CBX7: variants seen among roughly 807,000 people sequenced by gnomAD.
CBX7 encodes chromobox protein homolog 7.
CBX7 carries 14 observed loss-of-function variants against 31.4 expected under a neutral mutation model. That is an observed-to-expected ratio of 0.45 (90% CI 0.29 to 0.70). The LOEUF is 0.70. CBX7 is among the 30% of genes least tolerant of loss of function. The pLI is 0.11. For missense variants in CBX7, 269 were observed against 351.9 expected (o/e 0.76, Z 1.89); for synonymous variants, 159 against 152.6 (o/e 1.04, Z -0.31).
In CBX7 at chr22:39,134,185, T is replaced by C; in HGVS notation, c.599-137A>G. On this transcript the variant is annotated intron_variant, in intron 5 of 5. Coordinates refer to ENST00000216133, the MANE Select transcript of CBX7 (RefSeq NM_175709.5). ...AGGGCCTCACACAGGGCTGGACACT[T>C]GGGAGGAGGGCACTGGGTGCATCCT... The C allele has an allele frequency of 3.1e-6, 3 of 983,484 alleles. No homozygotes were observed. In the East Asian group the frequency reaches 7.7e-5, roughly 25 times the overall value. The allele number at this position is 983,484 out of a possible 1,614,324, so 60.9% of individuals were successfully genotyped here. A position where few individuals can be genotyped will look rare whatever the true frequency, so the allele number is the denominator to read the frequency against.
intron 2 of CBX7, chr22:39,147,637 A>T (rs548810646): frequency 5.3e-5 from 8 of 151,314 alleles, no homozygotes; most frequent in African/African-American, 1.9e-4. Context: ...GTTTCCCCCA[A>T]GTGAGGTGGG....
intron 3 of CBX7, among the ~76,000 whole-genome samples, chr22:39,140,718 G>A (rs1282480891): frequency 6.8e-6 from 1 of 147,378 alleles, no homozygotes; most frequent in Non-Finnish European, 1.5e-5. Context: ...AGGGGACCTG[G>A]GCTGCCTGCT....
At position 39,130,874 on chromosome 22, in the gene CBX7, A is replaced by G. The variant is rs1930011196; in HGVS notation, c.*3017T>C. The G allele has an allele frequency of 6.6e-6, 1 of 152,518 alleles. No individual in the cohort carries two copies. The highest frequency in any genetic ancestry group is 1.5e-5 in the Non-Finnish European group (1 of 68,042). 9.4% of individuals were successfully genotyped at this position (152,518 alleles called of 1,614,324 possible). ...AATAGATGCTATACAGTCTCTTACC[A>G]ATGTCAGTACAAAAATAAAACCGCG... On this transcript the variant is annotated 3_prime_UTR_variant, in exon 6 of 6. Coordinates refer to ENST00000216133, the MANE Select transcript of CBX7 (RefSeq NM_175709.5).
In CBX7 at chr22:39,134,007, C is replaced by T. The variant is rs773134146; in HGVS notation, c.640G>A (p.Ala214Thr). 8.7e-6 allele frequency: 14 copies of T among 1,611,836 alleles called. No homozygotes were observed. The Admixed American group carries it at 2.3e-4, about 27-fold the overall frequency. Residue 214 changes from alanine to threonine, a missense_variant, in exon 6 of 6, where the codon GCG becomes ACG. Physicochemically the swap from Ala to Thr is moderately conservative, Grantham distance 58. Around this residue, in one of 2 missense-constraint regions of CBX7, gnomAD observed 222 missense variants for 240.4 expected, o/e 0.92. Transcript: ENST00000216133. Reference sequence around the variant, plus strand: ...ACGGTCACCTCACTTGAGGGGAGCGCAGGTGTCCAGGGAGGGGGCCCCTCG... The same window carrying T: ...ACGGTCACCTCACTTGAGGGGAGCGTAGGTGTCCAGGGAGGGGGCCCCTCG... ...LAEGPPPWTP[A>T]LPSSEVTVTD...
chr22:39,139,919 G>A, intron 3 of CBX7, among the ~76,000 whole-genome samples: 1 of 151,838 alleles, frequency 6.6e-6, no homozygotes, highest in East Asian at 1.9e-4. Flanking sequence ...GACAGGGTGA[G>A]ACCCTGTCTC....
intron 2 of CBX7, 25 bp downstream of exon 2, chr22:39,149,764 G>GAC (rs776024849): frequency 1.9e-6 from 3 of 1,609,706 alleles, no homozygotes; most frequent in Non-Finnish European, 2.6e-6. Context: ...CAGACAGACA[G>GAC]ACACACACAC....
chr22:39,151,498 GGGA>G lies in CBX7; in HGVS notation c.69+875_69+877del, dbSNP rs376692415. 3.5e-4 allele frequency among the ~76,000 whole-genome samples: 54 copies of G among 152,296 alleles called. No individual in the cohort carries two copies. The South Asian group carries it at 0.011, about 32-fold the overall frequency. ...GCCTCAGTTTTTGTCTCTGTTAAAT[GGGA>G]GGAGGTGACCCCCTAAGGCCCCTCC... On this transcript the variant is annotated intron_variant, in intron 1 of 5. Coordinates refer to ENST00000216133, the MANE Select transcript of CBX7 (RefSeq NM_175709.5).
chr22:39,145,827 C>T (rs1217122717), intron 2 of CBX7, among the ~76,000 whole-genome samples: 1 of 151,776 alleles, frequency 6.6e-6, no homozygotes, highest in Non-Finnish European at 1.5e-5. Context: ...AAGCCCCGGC[C>T]GCCCAGCCAA....
intron 3 of CBX7, 163 bp downstream of exon 3, chr22:39,141,208 G>A (rs1930442786): frequency 5.2e-6 from 3 of 578,398 alleles, no homozygotes; most frequent in African/African-American, 3.9e-5. Flanking sequence ...CAGCTGCCCT[G>A]GGACTCAGTG....
intron 4 of CBX7, 36 bp from the exon 5 acceptor site, chr22:39,134,788 C>G (rs1930191901): frequency 1.6e-6 from 2 of 1,236,216 alleles, no homozygotes; most frequent in Non-Finnish European, 2.2e-6. Context: ...GGGTCAGCCC[C>G]ACCCTCCCAC....
chr22:39,130,967 G>C lies in CBX7; in HGVS notation c.*2924C>G, dbSNP rs142205855. ...AAAGGCATGTGCTTGGAATCAACTCGTGCCCCCGACCCCTCCCAGATACAT... is the reference window on the plus strand; with the variant it reads ...AAAGGCATGTGCTTGGAATCAACTCCTGCCCCCGACCCCTCCCAGATACAT... On this transcript the variant is annotated 3_prime_UTR_variant, in exon 6 of 6. Coordinates refer to ENST00000216133, the MANE Select transcript of CBX7 (RefSeq NM_175709.5). The C allele has an allele frequency of 6.6e-6, 1 of 152,558 alleles. No homozygotes were observed. Among genetic ancestry groups the C allele is most frequent in the Non-Finnish European group, 1.5e-5 (1 of 68,056 alleles). The allele number at this position is 152,558 out of a possible 1,614,324, so 9.5% of individuals were successfully genotyped here.
intron 1 of CBX7, 105 bp from the exon 2 acceptor site, chr22:39,149,937 A>C (rs1930793981): frequency 1.2e-6 from 1 of 859,300 alleles, no homozygotes; most frequent in Non-Finnish European, 2.0e-6. Flanking sequence ...TCCCATCTGC[A>C]GACAGGTGTC....
At chr22:39,144,639 T>G (rs916316936) in intron 2 of CBX7, among the ~76,000 whole-genome samples, 32 of 152,262 alleles carry the variant, frequency 2.1e-4, no homozygotes, top group African/African-American at 6.3e-4. Flanking sequence ...AGGCTGAATC[T>G]CCTCACTCTA....
At position 39,134,437 on chromosome 22, in the gene CBX7, C is replaced by A; in HGVS notation, c.562G>T (p.Glu188Ter). 6.2e-7 allele frequency: 1 copy of A among 1,603,762 alleles called. No homozygotes were observed. Among genetic ancestry groups the A allele is most frequent in the Non-Finnish European group, 8.5e-7 (1 of 1,179,610 alleles). The change falls in exon 5 of 6, where the codon GAG (glutamate) becomes TAG (stop). Residue 188 changes from glutamate to a stop codon, truncating the protein, a stop_gained. Coordinates refer to ENST00000216133, the MANE Select transcript of CBX7 (RefSeq NM_175709.5). LOFTEE classifies it high-confidence loss of function. ...GGGGGCTGCGCAGCAGGCTCCCACTCGCCAGCCGCCTGCAGGACGTCTGGG... is the reference window on the plus strand; with the variant it reads ...GGGGGCTGCGCAGCAGGCTCCCACTAGCCAGCCGCCTGCAGGACGTCTGGG... ...PAPDVLQAAG[E>*]WEPAAQPPEE...
At chr22:39,138,599 C>A in intron 4 of CBX7, 37 bp downstream of exon 4, 1 of 1,605,004 alleles carries the variant, frequency 6.2e-7, no homozygotes, top group Non-Finnish European at 8.5e-7. Flanking sequence ...TGGGGTTGGG[C>A]AGGGGGAGAA....
chr22:39,137,244 T>C (rs1260678952), intron 4 of CBX7, among the ~76,000 whole-genome samples: 1 of 151,456 alleles, frequency 6.6e-6, no homozygotes, highest in African/African-American at 2.4e-5. Context: ...TCCAAAAATC[T>C]GAAATTTAGA....
rs1008486283 is a variant in CBX7 at position 39,130,866 on chromosome 22, C to T, written c.*3025G>A. On this transcript the variant is annotated 3_prime_UTR_variant, in exon 6 of 6. Transcript: ENST00000216133. ...TCTAAATAAATAGATGCTATACAGT[C>T]TCTTACCAATGTCAGTACAAAAATA... 6.6e-6 allele frequency: 1 copy of T among 152,590 alleles called. No individual in the cohort carries two copies. The highest frequency in any genetic ancestry group is 2.4e-5 in the African/African-American group (1 of 41,436). The allele number at this position is 152,590 out of a possible 1,614,324, so 9.5% of individuals were successfully genotyped here.
intron 2 of CBX7, among the ~76,000 whole-genome samples, chr22:39,141,926 G>A (rs1200795583): frequency 1.3e-5 from 2 of 152,088 alleles, no homozygotes; most frequent in African/African-American, 4.8e-5. Flanking sequence ...CAACACCAGA[G>A]TTGTCCTGGT....
chr22:39,133,879 A>G lies in CBX7; in HGVS notation c.*12T>C. 1.3e-6 allele frequency: 2 copies of G among 1,599,850 alleles called. No homozygotes were observed. The highest frequency in any genetic ancestry group is 2.2e-5 in the South Asian group (2 of 89,978). ...CAAAAGAAAACAGTTTAAGAAGAGTAAAAACGGTGATTCAGAACTTCCCAC... is the reference window on the plus strand; with the variant it reads ...CAAAAGAAAACAGTTTAAGAAGAGTGAAAACGGTGATTCAGAACTTCCCAC... On this transcript the variant is annotated 3_prime_UTR_variant, in exon 6 of 6. Transcript: ENST00000216133.
Sources: gnomAD v4.1 joint callset for allele counts (sites outside exome capture counted in the v4.1 genomes callset) on GRCh38, gnomAD v4.1.1 for gene constraint, gnomAD v4.1.1 regional missense constraint, MANE v1.5 for transcripts, NCBI Gene and HGNC (gene_info 2026-07-23, HGNC 2026-07-21) for gene names.